Variants in C2orf42 observed in about 807,000 individuals in gnomAD.
C2orf42 encodes the protein uncharacterized protein C2orf42.
A neutral mutation model predicts 58.9 loss-of-function variants in C2orf42; 44 were observed. The observed-to-expected ratio is 0.75, with a 90% CI of 0.59 to 0.96. The LOEUF (loss-of-function observed/expected upper bound fraction) is 0.96, where lower values mean the gene tolerates loss of function less well. Among genes scored for constraint, C2orf42 ranks in the 40% least tolerant of loss-of-function variants. The probability of loss-of-function intolerance (pLI) is 0.00; values close to 1 mark genes in which losing one functional copy is unlikely to be tolerated. For missense variants in C2orf42, 630 were observed against 699.2 expected (o/e 0.90, Z 1.12); for synonymous variants, 239 against 265.4 (o/e 0.90, Z 0.97).
In C2orf42 at chr2:70,150,105, C is replaced by T. The variant is rs898961951; in HGVS notation, c.*251G>A. ...GAAGGAAAATAAGCTGGTTTTCTTTCTGTTCCTTTTAAAACTCTAGCCAGA... is the reference window on the plus strand; with the variant it reads ...GAAGGAAAATAAGCTGGTTTTCTTTTTGTTCCTTTTAAAACTCTAGCCAGA... On this transcript the variant is annotated 3_prime_UTR_variant, in exon 10 of 10. Coordinates refer to ENST00000264434, the MANE Select transcript of C2orf42 (RefSeq NM_017880.3). The T allele has an allele frequency of 9.5e-6, 5 of 526,900 alleles. No homozygotes were observed. The African/African-American group carries it at 9.5e-5, about 10-fold the overall frequency. 32.6% of individuals were successfully genotyped at this position (526,900 alleles called of 1,614,324 possible). A position where few individuals can be genotyped will look rare whatever the true frequency, so the allele number is the denominator to read the frequency against.
At chr2:70,189,380 T>A (rs1363835093) in intron 1 of C2orf42, among the ~76,000 whole-genome samples, 3 of 99,442 alleles carry the variant, frequency 3.0e-5, no homozygotes, top group African/African-American at 1.2e-4. Flanking sequence ...CACTCCAGCC[T>A]GGGGAACAAG....
chr2:70,166,837 C>G (rs189480566), intron 6 of C2orf42, among the ~76,000 whole-genome samples: 2 of 152,106 alleles, frequency 1.3e-5, no homozygotes, highest in Non-Finnish European at 1.5e-5. Context: ...ACAATGAGGC[C>G]GAGGTGGCTG....
chr2:70,167,357 C>CAA (rs1039619852), intron 6 of C2orf42, among the ~76,000 whole-genome samples: 3 of 103,036 alleles, frequency 2.9e-5, no homozygotes, highest in Admixed American at 1.9e-4. Context: ...GACTCTGTCT[C>CAA]AAAAAAAAAA....
chr2:70,169,793 C>G, intron 5 of C2orf42, 132 bp from the exon 6 acceptor site: 1 of 558,876 alleles, frequency 1.8e-6, no homozygotes, highest in South Asian at 2.1e-5. Context: ...GAGGTTCGCC[C>G]TTGTTGCCCA....
chr2:70,179,657 A>T lies in C2orf42; in HGVS notation c.824-15T>A, dbSNP rs373914151. On this transcript the variant is annotated splice_polypyrimidine_tract_variant and intron_variant, in intron 3 of 9. Transcript: ENST00000264434. ...CTCTTTAAGACCTAAAAAAAAGAAG[A>T]TTTCTGAATTATTAATCCTATCCAA... The T allele has an allele frequency of 6.7e-6, 7 of 1,039,786 alleles. No individual in the cohort carries two copies. In the African/African-American group the frequency reaches 9.4e-5, roughly 14 times the overall value. The allele number at this position is 1,039,786 out of a possible 1,614,324, so 64.4% of individuals were successfully genotyped here.
At position 70,150,260 on chromosome 2, in the gene C2orf42, G is replaced by A; in HGVS notation, c.*96C>T. On this transcript the variant is annotated 3_prime_UTR_variant, in exon 10 of 10. Transcript: ENST00000264434. Reference sequence around the variant, plus strand: ...ATCTTAGCTAAGAGCAGTTTACCAAGGAACAGGGCCATCTAAGTGCCTAAC... The same window carrying A: ...ATCTTAGCTAAGAGCAGTTTACCAAAGAACAGGGCCATCTAAGTGCCTAAC... The A allele has an allele frequency of 1.0e-6, 1 of 995,692 alleles. No individual in the cohort carries two copies. Among genetic ancestry groups the A allele is most frequent in the South Asian group, 1.4e-5 (1 of 73,184 alleles). 61.7% of individuals were successfully genotyped at this position (995,692 alleles called of 1,614,324 possible). A position where few individuals can be genotyped will look rare whatever the true frequency, so the allele number is the denominator to read the frequency against.
At chr2:70,156,058 G>A (rs566564594) in intron 9 of C2orf42, among the ~76,000 whole-genome samples, 1 of 151,984 alleles carries the variant, frequency 6.6e-6, no homozygotes, top group East Asian at 1.9e-4. Flanking sequence ...GGGAGGCTGA[G>A]GCAGAACAAT....
intron 6 of C2orf42, among the ~76,000 whole-genome samples, chr2:70,165,853 G>T (rs1012296918): frequency 1.3e-5 from 2 of 152,004 alleles, no homozygotes; most frequent in Non-Finnish European, 2.9e-5. Context: ...AAAAAACACA[G>T]TGTAGCCTGG....
chr2:70,187,476 T>C (rs1490405355), intron 1 of C2orf42, among the ~76,000 whole-genome samples: 4 of 151,198 alleles, frequency 2.6e-5, no homozygotes, highest in African/African-American at 9.7e-5. Flanking sequence ...TGGTCTCAAA[T>C]TCCCGACCTC....
chr2:70,186,561 G>A (rs1490849513), intron 1 of C2orf42, among the ~76,000 whole-genome samples: 1 of 152,122 alleles, frequency 6.6e-6, no homozygotes, highest in African/African-American at 2.4e-5. Flanking sequence ...GATTCCTCAG[G>A]GATCTAGAAC....
Position 70,165,632 on chromosome 2 carries a change from T to C in C2orf42, c.1148A>G (p.Lys383Arg). Residue 383 changes from lysine (K) to arginine (R), a missense_variant, in exon 7 of 10, where the codon AAA becomes AGA. Coordinates refer to ENST00000264434, the MANE Select transcript of C2orf42 (RefSeq NM_017880.3). Reference protein sequence around the residue: ...HQTMHYQFDGKPEPLVFHIPQ... With the variant: ...HQTMHYQFDGRPEPLVFHIPQ... Reference sequence around the variant, plus strand: ...AATGTGGAACACCAATGGTTCTGGTTTGCCTATGGGAAACAAGAAGAAACA... The same window carrying C: ...AATGTGGAACACCAATGGTTCTGGTCTGCCTATGGGAAACAAGAAGAAACA... 1 of 1,580,988 alleles carries C rather than the reference T, an allele frequency of 6.3e-7. No individual in the cohort carries two copies. Among genetic ancestry groups the C allele is most frequent in the Non-Finnish European group, 8.7e-7 (1 of 1,150,020 alleles).
intron 5 of C2orf42, among the ~76,000 whole-genome samples, chr2:70,171,740 C>T (rs1673836322): frequency 6.6e-6 from 1 of 151,800 alleles, no homozygotes. Context: ...TTGAACTCCT[C>T]ACCTCGTGAT....
intron 5 of C2orf42, 114 bp from the exon 6 acceptor site, chr2:70,169,775 T>C (rs1397056158): frequency 3.3e-6 from 2 of 608,878 alleles, no homozygotes; most frequent in East Asian, 5.7e-5. Flanking sequence ...TTTTATTTTT[T>C]TGAGACAGAG....
chr2:70,175,473 G>T (rs1293304693), intron 5 of C2orf42, among the ~76,000 whole-genome samples, 200 bp downstream of exon 5: 1 of 152,154 alleles, frequency 6.6e-6, no homozygotes, highest in African/African-American at 2.4e-5. Context: ...GCATTAGTTT[G>T]CTAAGGATAA....
intron 4 of C2orf42, among the ~76,000 whole-genome samples, chr2:70,177,943 G>A (rs146137909): frequency 0.03 from 4,627 of 152,244 alleles, 365 homozygotes; most frequent in Admixed American, 0.17. Context: ...GGGAGGCTGA[G>A]GCAGGAGGAT....
In C2orf42 at chr2:70,160,632, G is replaced by T; in HGVS notation, c.1509C>A (p.Leu503=). The T allele has an allele frequency of 6.2e-7, 1 of 1,602,332 alleles. No homozygotes were observed. The highest frequency in any genetic ancestry group is 1.3e-5 in the African/African-American group (1 of 74,184). The part of the protein sequence containing the change: ...VLRPLELKTF[L]KVGNTSPDQK... ...GTTTTGAAGTTCACTTACCAACTTT[G>T]AGAAAAGTTTTTAGTTCCAAGGGTC... is the stretch of plus-strand genomic sequence containing the variant. The change falls in exon 9 of 10, where the codon CTC becomes CTA. Residue 503 remains leucine, a synonymous_variant. Transcript: ENST00000264434.
chr2:70,177,127 C>G (rs1429611222), intron 4 of C2orf42, among the ~76,000 whole-genome samples: 1 of 151,934 alleles, frequency 6.6e-6, no homozygotes, highest in Non-Finnish European at 1.5e-5. Flanking sequence ...CAAAAATTAG[C>G]TGGGTGTGGT....
At chr2:70,169,336 CTA>C (rs1407701573) in intron 6 of C2orf42, among the ~76,000 whole-genome samples, 4 of 151,928 alleles carry the variant, frequency 2.6e-5, no homozygotes, top group Non-Finnish European at 4.4e-5. Flanking sequence ...TTATTATTTG[CTA>C]TGTTTTTTCT....
chr2:70,181,634 G>C lies in C2orf42; in HGVS notation c.352C>G (p.Pro118Ala). The change falls in exon 3 of 10, where the codon CCC becomes GCC. Residue 118 changes from proline to alanine, a missense_variant. Pro to Ala is a conservative substitution (Grantham distance 27, BLOSUM62 -1). Coordinates refer to ENST00000264434, the MANE Select transcript of C2orf42 (RefSeq NM_017880.3). The stretch of plus-strand genomic sequence containing the variant: ...TGAGTGGCAGCTTTCAGGCATGAGG[G>C]GACATAACACCGTCCAGAGCTCAGC... Reference protein sequence around the residue: ...TQLSSGRCYVPSCLKAATQGV... With the variant: ...TQLSSGRCYVASCLKAATQGV... 1 of 1,614,050 alleles carries C rather than the reference G, an allele frequency of 6.2e-7. No homozygotes were observed. The highest frequency in any genetic ancestry group is 8.5e-7 in the Non-Finnish European group (1 of 1,179,970).
Sources: allele counts gnomAD v4.1 joint callset (sites outside exome capture counted in the v4.1 genomes callset), GRCh38; gene constraint gnomAD v4.1.1; transcripts MANE v1.5; gene names NCBI Gene and HGNC (gene_info 2026-07-23, HGNC 2026-07-21).